Variants in BBX observed in about 807,000 individuals in gnomAD.
BBX encodes the protein BBX high mobility group box domain containing.
Under a neutral mutation model 100.2 loss-of-function variants are expected in BBX, and 30 were observed. The ratio of observed to expected loss-of-function variants is 0.30; its 90% CI spans 0.22 to 0.41. BBX has a LOEUF of 0.41. Among genes scored for constraint, BBX ranks in the 10% least tolerant of loss-of-function variants. The pLI, the probability that BBX is intolerant of heterozygous loss-of-function variation, is 1.00. For synonymous variants in BBX, 376 were observed against 388.1 expected, an observed-to-expected ratio of 0.97 and a Z score of 0.37; for missense variants, 1,023 against 1,129.8, an observed-to-expected ratio of 0.91 and a Z score of 1.35.
chr3:107,689,495 T>C (rs1249480898), intron 3 of BBX, among the ~76,000 whole-genome samples: 2 of 152,200 alleles, frequency 1.3e-5, no homozygotes, highest in Non-Finnish European at 2.9e-5. Flanking sequence ...CGTATTTGTT[T>C]TGAAAGATGC....
rs533730267 is a variant in BBX at position 107,801,464 on chromosome 3, AG to A, written c.2738+184del. ...AGTGCGGGAAAATACCAGGGAATAT[AG>A]TCAGCCAAGTATTTTATTTTGAATA... On this transcript the variant is annotated intron_variant, in intron 17 of 17. Transcript: ENST00000325805. Among the ~76,000 whole-genome samples, 301 of 152,348 alleles carry A rather than the reference AG, an allele frequency of 2.0e-3. 1 individual carries two copies. The highest frequency in any genetic ancestry group is 6.8e-3 in the African/African-American group (283 of 41,582).
chr3:107,619,937 C>G (rs752496638), intron 2 of BBX, among the ~76,000 whole-genome samples: 22 of 152,120 alleles, frequency 1.4e-4, no homozygotes, highest in Non-Finnish European at 2.8e-4. Flanking sequence ...TTCTTTGCCA[C>G]AGTTGGGAAG....
chr3:107,670,119 T>C (rs1276393173), intron 3 of BBX, among the ~76,000 whole-genome samples: 1 of 152,170 alleles, frequency 6.6e-6, no homozygotes, highest in Non-Finnish European at 1.5e-5. Flanking sequence ...TATTTCTTAT[T>C]CACAGCATTT....
At chr3:107,601,291 A>G (rs528205531) in intron 2 of BBX, among the ~76,000 whole-genome samples, 1 of 152,324 alleles carries the variant, frequency 6.6e-6, no homozygotes, top group Admixed American at 6.5e-5. Context: ...TAAGTGTTGA[A>G]GTGAAAGGGT....
At chr3:107,786,846 A>G (rs560973290) in intron 13 of BBX, among the ~76,000 whole-genome samples, 2 of 152,324 alleles carry the variant, frequency 1.3e-5, no homozygotes, top group East Asian at 3.9e-4. Context: ...CAAGAAAGTG[A>G]AAAGACATCC....
At chr3:107,525,319 AGGAGGAGGAGGAGAG>A (rs1197565263) in intron 1 of BBX, 7 of 150,942 alleles carry the variant, frequency 4.6e-5, no homozygotes, top group African/African-American at 1.7e-4. Flanking sequence ...GGCCCGCGGG[AGGAGGAGGAGGAGAG>A]GGAGAAGGAG....
intron 2 of BBX, among the ~76,000 whole-genome samples, chr3:107,534,370 T>C (rs955109013): frequency 6.6e-6 from 1 of 152,148 alleles, no homozygotes; most frequent in East Asian, 1.9e-4. Flanking sequence ...AATGAGAAAA[T>C]AATTCTTTAC....
At chr3:107,735,942 G>GA (rs145146643) in intron 7 of BBX, among the ~76,000 whole-genome samples, 33 of 151,590 alleles carry the variant, frequency 2.2e-4, no homozygotes, top group South Asian at 8.3e-4. Flanking sequence ...GGTCTGTGAT[G>GA]AAAAAAAATG....
chr3:107,565,760 T>A (rs1409558042), intron 2 of BBX, among the ~76,000 whole-genome samples: 2 of 149,074 alleles, frequency 1.3e-5, no homozygotes, highest in Non-Finnish European at 3.0e-5. Flanking sequence ...CCCAACCTAG[T>A]TTTTTTTTTA....
rs569716254 is a variant in BBX, at chr3:107,696,566, C to T, written c.-9-13886C>T. Among the ~76,000 whole-genome samples, 1,019 of 151,974 alleles carry T rather than the reference C, an allele frequency of 6.7e-3. 5 individuals carry two copies. Among genetic ancestry groups the T allele is most frequent in the Non-Finnish European group, 8.3e-3 (564 of 68,036 alleles). On this transcript the variant is annotated intron_variant, in intron 3 of 17. Transcript: ENST00000325805. ...CTTCTAGAGTTTCTGCCAAGAGATC[C>T]GCTGTTAGTCTGATAGGCTTCCCTT... is the stretch of plus-strand genomic sequence containing the variant.
intron 15 of BBX, among the ~76,000 whole-genome samples, chr3:107,795,613 CT>C (rs1158136233): frequency 8.3e-4 from 50 of 60,030 alleles, no homozygotes; most frequent in South Asian, 2.4e-3. Flanking sequence ...CCGACGTAGT[CT>C]TTTTTTTTTT....
At chr3:107,665,557 A>G (rs547896131) in intron 3 of BBX, among the ~76,000 whole-genome samples, 12 of 152,230 alleles carry the variant, frequency 7.9e-5, no homozygotes, top group African/African-American at 2.4e-4. Flanking sequence ...TCTCATAACC[A>G]AGCAAGTGGG....
At chr3:107,788,836 G>A (rs978152818) in intron 13 of BBX, among the ~76,000 whole-genome samples, 1 of 152,116 alleles carries the variant, frequency 6.6e-6, no homozygotes, top group Admixed American at 6.6e-5. Flanking sequence ...GACAGCCTAG[G>A]CAACCCTTCT....
At position 107,694,011 on chromosome 3, in the gene BBX, A is replaced by G. The variant is rs1160528301; in HGVS notation, c.-9-16441A>G. Among the ~76,000 whole-genome samples, 3 of 148,836 alleles carry G rather than the reference A, an allele frequency of 2.0e-5. No individual in the cohort carries two copies. The East Asian group carries it at 5.8e-4, about 29-fold the overall frequency. On this transcript the variant is annotated intron_variant, in intron 3 of 17. Transcript: ENST00000325805. ...TTGGCTCTCTGTCTGTTGTTGGTGT[A>G]TAAGAATGCTTGTGATTTTTGTACA...
Position 107,659,666 on chromosome 3 carries a change from A to G in BBX, c.-10+13757A>G. 5.2e-6 allele frequency: 6 copies of G among 1,150,068 alleles called. No homozygotes were observed. The South Asian group carries it at 6.7e-5, about 13-fold the overall frequency. The allele number at this position is 1,150,068 out of a possible 1,614,324, so 71.2% of individuals were successfully genotyped here. The stretch of plus-strand genomic sequence containing the variant: ...ATTCAAACTCAGGCTGTCTGGCTGC[A>G]GGGTTTGTTCTCCTAACCACACCAC... On this transcript the variant is annotated intron_variant, in intron 3 of 17. Coordinates refer to ENST00000325805, the MANE Select transcript of BBX (RefSeq NM_001142568.3).
chr3:107,593,773 GAAAC>G (rs549721976), intron 2 of BBX, among the ~76,000 whole-genome samples: 40 of 152,144 alleles, frequency 2.6e-4, no homozygotes, highest in Non-Finnish European at 4.4e-4. Context: ...AAAACAAAAC[GAAAC>G]AAACAAACAA....
chr3:107,613,888 A>G (rs191984577), intron 2 of BBX, among the ~76,000 whole-genome samples: 62 of 151,596 alleles, frequency 4.1e-4, no homozygotes, highest in Admixed American at 1.4e-3. Context: ...GTGGAGCTCA[A>G]TAAACTTTAG....
intron 3 of BBX, chr3:107,659,641 A>T (rs1164408394): frequency 4.2e-6 from 4 of 959,506 alleles, no homozygotes; most frequent in Non-Finnish European, 5.7e-6. Flanking sequence ...CAAAGCTGGA[A>T]TTCAAACTCA....
At chr3:107,792,612 T>C (rs2069177642) in intron 15 of BBX, among the ~76,000 whole-genome samples, 1 of 152,352 alleles carries the variant, frequency 6.6e-6, no homozygotes, top group Admixed American at 6.5e-5. Flanking sequence ...ATCTCACTTG[T>C]TGATTCACAT....
Sources: allele counts gnomAD v4.1 joint callset (sites outside exome capture counted in the v4.1 genomes callset), GRCh38; gene constraint gnomAD v4.1.1; transcripts MANE v1.5; gene names NCBI Gene and HGNC (gene_info 2026-07-23, HGNC 2026-07-21).